DNAH9: variants seen among roughly 807,000 people sequenced by gnomAD.
The protein encoded by DNAH9 is dynein axonemal heavy chain 9, also known as DNAH9 variant protein.
In DNAH9, 345 loss-of-function variants were observed where a neutral mutation model predicts 471.6. The observed-to-expected ratio is 0.73, with a 90% CI of 0.67 to 0.80. DNAH9 has a LOEUF of 0.80. Ranked by LOEUF, DNAH9 falls within the 30% of genes least tolerant of loss-of-function variation. The probability of loss-of-function intolerance (pLI) is 0.00; values close to 1 mark genes in which losing one functional copy is unlikely to be tolerated. For missense variants in DNAH9, 5,407 were observed against 5,609.2 expected (o/e 0.96, Z 1.15); for synonymous variants, 2,093 against 2,123.6 (o/e 0.99, Z 0.40).
At position 11,937,095 on chromosome 17, in the gene DNAH9, G is replaced by C. The variant is rs1276591238; in HGVS notation, c.12490-257G>C. ...GGCATTGGGTGTGGAGATAGATAAA[G>C]TCATCTAAGCCTCCCAGAAAAAAGA... On this transcript the variant is annotated intron_variant, in intron 65 of 68. Coordinates refer to ENST00000262442, the MANE Select transcript of DNAH9 (RefSeq NM_001372.4). This position sits in a 1 kb window ranked among gnomAD's most constrained non-coding sequence, Gnocchi z 4.1. Among the ~76,000 whole-genome samples, 1 of 152,126 alleles carries C rather than the reference G, an allele frequency of 6.6e-6. No homozygotes were observed. The highest frequency in any genetic ancestry group is 1.5e-5 in the Non-Finnish European group (1 of 68,012).
In DNAH9 at chr17:11,797,506, G is replaced by A; in HGVS notation, c.8224-91G>A. ...GTAGCACTGATGCCTAATTTCCAGGGAATGTGCAGAGCAAATCAGGTGTCT... is the reference window on the plus strand; with the variant it reads ...GTAGCACTGATGCCTAATTTCCAGGAAATGTGCAGAGCAAATCAGGTGTCT... On this transcript the variant is annotated intron_variant, in intron 42 of 68. Transcript: ENST00000262442. 4 of 1,067,476 alleles carry A rather than the reference G, an allele frequency of 3.7e-6. No homozygotes were observed. In the South Asian group the frequency reaches 5.0e-5, roughly 13 times the overall value. 66.1% of individuals were successfully genotyped at this position (1,067,476 alleles called of 1,614,324 possible).
At chr17:11,678,992 G>A (rs2074091475) in intron 17 of DNAH9, among the ~76,000 whole-genome samples, 1 of 151,930 alleles carries the variant, frequency 6.6e-6, no homozygotes, top group South Asian at 2.1e-4. Context: ...TCCCTTTTCA[G>A]CTTTGTTGAA....
chr17:11,887,100 C>A, intron 57 of DNAH9, 135 bp downstream of exon 57: 2 of 1,191,622 alleles, frequency 1.7e-6, no homozygotes, highest in Non-Finnish European at 2.3e-6. Context: ...AGGAGAGGAG[C>A]TATGTTACCT....
chr17:11,718,515 T>G (rs2075003743), intron 26 of DNAH9, among the ~76,000 whole-genome samples: 1 of 152,240 alleles, frequency 6.6e-6, no homozygotes, highest in Admixed American at 6.5e-5. Flanking sequence ...TATTACTTTT[T>G]AAGAAATATA....
chr17:11,610,307 A>C, intron 2 of DNAH9, 89 bp from the exon 3 acceptor site: 2 of 1,021,488 alleles, frequency 2.0e-6, no homozygotes, highest in Non-Finnish European at 1.4e-6. Context: ...TAAATTTGGG[A>C]TTCTGTCTTG....
chr17:11,789,687 TA>T (rs1567803937), intron 41 of DNAH9, among the ~76,000 whole-genome samples: 1 of 152,000 alleles, frequency 6.6e-6, no homozygotes, highest in African/African-American at 2.4e-5. Context: ...ATATTATTAA[TA>T]TTTTCTCTTT....
At chr17:11,801,067 C>CAT (rs1969439919) in intron 43 of DNAH9, among the ~76,000 whole-genome samples, 1 of 152,110 alleles carries the variant, frequency 6.6e-6, no homozygotes, top group Non-Finnish European at 1.5e-5. Flanking sequence ...TAGTGCTTTG[C>CAT]ATATATCATT....
chr17:11,855,431 A>G lies in DNAH9; in HGVS notation c.9933+1003A>G, dbSNP rs7207092. 6.6e-3 allele frequency among the ~76,000 whole-genome samples: 1,000 copies of G among 152,288 alleles called. 10 individuals are homozygous for G. The highest frequency in any genetic ancestry group is 0.022 in the African/African-American group (895 of 41,550). ...GAGTGTATTTAACCTTCCATCTTAG[A>G]TAATGTGGAGTCTTTGTGTGAGAAA... On this transcript the variant is annotated intron_variant, in intron 50 of 68. Transcript: ENST00000262442.
At chr17:11,650,807 T>C (rs1378761166) in intron 12 of DNAH9, among the ~76,000 whole-genome samples, 1 of 152,210 alleles carries the variant, frequency 6.6e-6, no homozygotes, top group Non-Finnish European at 1.5e-5. Flanking sequence ...TCCCCTGCTA[T>C]CACACTTGTC....
At chr17:11,957,781 G>A (rs952582463) in intron 67 of DNAH9, among the ~76,000 whole-genome samples, 1 of 152,170 alleles carries the variant, frequency 6.6e-6, no homozygotes, top group African/African-American at 2.4e-5. Context: ...TTTGTGTCTT[G>A]ACTGTATCAA....
At chr17:11,906,124 G>A (rs1482687092) in intron 61 of DNAH9, among the ~76,000 whole-genome samples, 1 of 152,012 alleles carries the variant, frequency 6.6e-6, no homozygotes, top group Non-Finnish European at 1.5e-5. Context: ...CTTCCACAGG[G>A]CCCCACAGTG....
chr17:11,848,235 C>G (rs1016317411), intron 49 of DNAH9, among the ~76,000 whole-genome samples: 2 of 152,036 alleles, frequency 1.3e-5, no homozygotes, highest in Non-Finnish European at 2.9e-5. Flanking sequence ...ATAAATAGCC[C>G]AGTAGAAATG....
intron 6 of DNAH9, chr17:11,619,991 G>A: frequency 1.8e-6 from 1 of 554,328 alleles, no homozygotes. Context: ...TGGGTGGATT[G>A]CTTGAGCCCA....
At chr17:11,959,263 G>A (rs958340743) in intron 67 of DNAH9, among the ~76,000 whole-genome samples, 1 of 152,124 alleles carries the variant, frequency 6.6e-6, no homozygotes, top group African/African-American at 2.4e-5. Context: ...CCTTCATAAC[G>A]TGGTAAGGGA....
intron 48 of DNAH9, among the ~76,000 whole-genome samples, chr17:11,834,266 T>C (rs1381774680): frequency 2.2e-5 from 3 of 136,268 alleles, no homozygotes; most frequent in African/African-American, 8.3e-5. Context: ...GAGGCGGAGG[T>C]TGCAGTGAGC....
chr17:11,903,690 G>A (rs1486441186), intron 60 of DNAH9, among the ~76,000 whole-genome samples: 2 of 151,866 alleles, frequency 1.3e-5, no homozygotes, highest in African/African-American at 4.8e-5. Context: ...GCGGCGGATC[G>A]CTTAAGGTCA....
chr17:11,849,575 C>T (rs563508470), intron 49 of DNAH9, among the ~76,000 whole-genome samples: 2 of 152,340 alleles, frequency 1.3e-5, no homozygotes, highest in African/African-American at 4.8e-5. Context: ...CTTGCTTGCT[C>T]AGCAGCCTGG....
At chr17:11,923,577 C>T (rs1974212932) in intron 61 of DNAH9, among the ~76,000 whole-genome samples, 1 of 152,170 alleles carries the variant, frequency 6.6e-6, no homozygotes, top group Admixed American at 6.5e-5. Context: ...TCCCAAAGTG[C>T]TGGGATTACA....
intron 43 of DNAH9, among the ~76,000 whole-genome samples, chr17:11,803,311 A>G (rs1392655514): frequency 3.9e-5 from 6 of 152,164 alleles, no homozygotes; most frequent in Non-Finnish European, 8.8e-5. Flanking sequence ...AGCAATCATT[A>G]ACAACAACAA....
Sources: allele counts gnomAD v4.1 joint callset (sites outside exome capture counted in the v4.1 genomes callset), GRCh38; gene constraint gnomAD v4.1.1; non-coding constraint Gnocchi (gnomAD v3.1); transcripts MANE v1.5; gene names NCBI Gene and HGNC (gene_info 2026-07-23, HGNC 2026-07-21).